The following PRPSAP1 variants were observed in gnomAD, a reference collection of about 807,000 sequenced individuals.
PRPSAP1 encodes the protein phosphoribosyl pyrophosphate synthetase associated protein 1.
Under a neutral mutation model 39.4 loss-of-function variants are expected in PRPSAP1, and 31 were observed. The observed-to-expected ratio is 0.79, with a 90% CI of 0.59 to 1.06. The LOEUF is 1.06. Ranked by LOEUF, PRPSAP1 falls within the 50% of genes least tolerant of loss-of-function variation. The pLI, the probability that PRPSAP1 is intolerant of heterozygous loss-of-function variation, is 0.00. For synonymous variants in PRPSAP1, 212 were observed against 192.6 expected (o/e 1.10, Z -0.83); for missense variants, 430 against 511.6 (o/e 0.84, Z 1.54).
chr17:76,331,520 G>A (rs1448374191), intron 4 of PRPSAP1, among the ~76,000 whole-genome samples: 3 of 152,102 alleles, frequency 2.0e-5, no homozygotes, highest in Non-Finnish European at 2.9e-5. Context: ...GTGTTTATAT[G>A]GTATTAGGTA....
rs186916486 is a variant in PRPSAP1, at chr17:76,331,937, T to C, written c.463+326A>G. ...TGGAATTTAGCTAACAAAGCAGATA[T>C]AGAAATCTAGACCTGAAGATCAAAA... On this transcript the variant is annotated intron_variant, in intron 4 of 9. Transcript: ENST00000446526. Among the ~76,000 whole-genome samples, 243 of 152,126 alleles carry C rather than the reference T, an allele frequency of 1.6e-3. 1 individual carries two copies. The highest frequency in any genetic ancestry group is 3.9e-3 in the Admixed American group (60 of 15,272).
At chr17:76,333,225 C>T (rs2071344115) in intron 3 of PRPSAP1, among the ~76,000 whole-genome samples, 1 of 152,126 alleles carries the variant, frequency 6.6e-6, no homozygotes, top group African/African-American at 2.4e-5. Flanking sequence ...ATTCTCCTGG[C>T]TCATCCTCCC....
At position 76,344,672 on chromosome 17, in the gene PRPSAP1, TG is replaced by T; in HGVS notation, c.288del (p.Arg97GlufsTer3). The T allele has an allele frequency of 1.3e-6, 2 of 1,559,872 alleles. No individual in the cohort carries two copies. The highest frequency in any genetic ancestry group is 1.9e-5 in the Admixed American group (1 of 52,690). ...GQDIFIIQTI[P>X]RDVNTAVMEL... ...AGATAAAGTAGTCAGTCCTCTTACC[TG>T]GGTATTGTCTGTATAATGAAAATAT... On this transcript the variant is annotated frameshift_variant and splice_region_variant, in exon 3 of 10. Coordinates refer to ENST00000446526, the MANE Select transcript of PRPSAP1 (RefSeq NM_002766.3). LOFTEE classifies it high-confidence loss of function.
Position 76,353,885 on chromosome 17 carries a change from G to A in PRPSAP1, c.-182C>T, listed in dbSNP as rs1316251673. On this transcript the variant is annotated 5_prime_UTR_variant, in exon 1 of 10. Transcript: ENST00000446526. The stretch of plus-strand genomic sequence containing the variant: ...TGACTACAGCGGCCGAGCCTTCGCA[G>A]CGCCCGGCGCCGCCGCCTCAGAGCC... The A allele has an allele frequency of 2.2e-5, 29 of 1,328,730 alleles. No homozygotes were observed. Among genetic ancestry groups the A allele is most frequent in the Non-Finnish European group, 2.8e-5 (29 of 1,044,702 alleles). The allele number at this position is 1,328,730 out of a possible 1,614,324, so 82.3% of individuals were successfully genotyped here.
chr17:76,353,609 G>C lies in PRPSAP1; in HGVS notation c.95C>G (p.Ala32Gly). 1 of 1,557,444 alleles carries C rather than the reference G, an allele frequency of 6.4e-7. No homozygotes were observed. The highest frequency in any genetic ancestry group is 8.6e-7 in the Non-Finnish European group (1 of 1,156,956). ...GAAGACTCGGTAGCCGGTGCGAGCG[G>C]CGTTCATGGCCGGCGGGGGAACGGG... is the stretch of plus-strand genomic sequence containing the variant. The part of the protein sequence containing the change: ...ARPVPPPAMN[A>G]ARTGYRVFSA... The change falls in exon 1 of 10, where the codon GCC becomes GGC. Residue 32 changes from alanine to glycine, a missense_variant. Transcript: ENST00000446526.
At chr17:76,326,947 T>A (rs751388899) in intron 7 of PRPSAP1, among the ~76,000 whole-genome samples, 1 of 151,340 alleles carries the variant, frequency 6.6e-6, no homozygotes, top group Non-Finnish European at 1.5e-5. Context: ...AAAAACCCCA[T>A]GTATATAAAT....
At chr17:76,319,642 TAA>T (rs1192699314) in intron 7 of PRPSAP1, among the ~76,000 whole-genome samples, 2 of 151,908 alleles carry the variant, frequency 1.3e-5, no homozygotes, top group African/African-American at 2.4e-5. Context: ...CTAATTTTTG[TAA>T]TTTTAGTAGA....
chr17:76,327,257 A>T (rs143864682), intron 7 of PRPSAP1, among the ~76,000 whole-genome samples: 125 of 152,272 alleles, frequency 8.2e-4, no homozygotes, highest in Non-Finnish European at 1.5e-3. Flanking sequence ...CTGAGACAGG[A>T]GAACTGCTTG....
intron 7 of PRPSAP1, among the ~76,000 whole-genome samples, chr17:76,325,086 A>G (rs2071240440): frequency 2.0e-5 from 3 of 147,624 alleles, no homozygotes; most frequent in African/African-American, 7.5e-5. Context: ...AAAAAAAAGA[A>G]AAGAAAAATT....
chr17:76,316,373 A>C (rs2071124320), intron 7 of PRPSAP1, among the ~76,000 whole-genome samples: 1 of 152,070 alleles, frequency 6.6e-6, no homozygotes, highest in African/African-American at 2.4e-5. Flanking sequence ...GGGAGGCTAA[A>C]AAAGGCTAAA....
intron 3 of PRPSAP1, among the ~76,000 whole-genome samples, chr17:76,335,121 T>G (rs1447142438): frequency 6.6e-6 from 1 of 152,136 alleles, no homozygotes. Context: ...TCTTTTCTTT[T>G]CTGTTTTGTA....
At chr17:76,351,489 T>A (rs1466191009) in intron 1 of PRPSAP1, among the ~76,000 whole-genome samples, 1 of 151,836 alleles carries the variant, frequency 6.6e-6, no homozygotes, top group Non-Finnish European at 1.5e-5. Context: ...CACTCCAGCC[T>A]GGGCGACAGC....
At chr17:76,339,606 G>A (rs559601927) in intron 3 of PRPSAP1, among the ~76,000 whole-genome samples, 37 of 151,736 alleles carry the variant, frequency 2.4e-4, no homozygotes, top group Admixed American at 7.9e-4. Flanking sequence ...GAACCACTGG[G>A]AAGAGACTTG....
intron 7 of PRPSAP1, among the ~76,000 whole-genome samples, chr17:76,319,989 G>T (rs1013042222): frequency 6.6e-6 from 1 of 151,976 alleles, no homozygotes; most frequent in Non-Finnish European, 1.5e-5. Flanking sequence ...ATAAATGTAG[G>T]CTGGGCATGG....
chr17:76,344,601 A>G, intron 3 of PRPSAP1, 70 bp downstream of exon 3: 2 of 1,253,292 alleles, frequency 1.6e-6, no homozygotes, highest in Non-Finnish European at 2.3e-6. Flanking sequence ...GTTGTTGTTC[A>G]TATGAAAAGA....
intron 7 of PRPSAP1, chr17:76,314,717 A>AT (rs1308685537): frequency 6.6e-6 from 1 of 152,284 alleles, no homozygotes; most frequent in Non-Finnish European, 1.5e-5. Flanking sequence ...TGTGTTTTAT[A>AT]CGCACAGCAC....
chr17:76,335,362 G>C (rs1407004627), intron 3 of PRPSAP1, among the ~76,000 whole-genome samples: 2 of 151,418 alleles, frequency 1.3e-5, no homozygotes, highest in East Asian at 3.9e-4. Context: ...TTTGTTTTTT[G>C]TTTTGTTTTG....
At chr17:76,334,187 G>C (rs1398380719) in intron 3 of PRPSAP1, among the ~76,000 whole-genome samples, 1 of 152,172 alleles carries the variant, frequency 6.6e-6, no homozygotes, top group Admixed American at 6.5e-5. Flanking sequence ...GTCTTGGGGT[G>C]GGGGTGGGGG....
At chr17:76,318,272 A>G (rs1324687989) in intron 7 of PRPSAP1, among the ~76,000 whole-genome samples, 1 of 152,036 alleles carries the variant, frequency 6.6e-6, no homozygotes, top group Non-Finnish European at 1.5e-5. Flanking sequence ...AGATGGTGAA[A>G]CCCCATCTCT....
Sources: allele counts gnomAD v4.1 joint callset (sites outside exome capture counted in the v4.1 genomes callset), GRCh38; gene constraint gnomAD v4.1.1; transcripts MANE v1.5; gene names NCBI Gene and HGNC (gene_info 2026-07-23, HGNC 2026-07-21).